The following SORT1 variants were observed in gnomAD, a reference collection of about 807,000 sequenced individuals.
SORT1 encodes the protein sortilin.
In SORT1, 39 loss-of-function variants were observed where a neutral mutation model predicts 101.7. The observed-to-expected ratio is 0.38, with a 90% CI of 0.30 to 0.50. The LOEUF is 0.50. Ranked by LOEUF, SORT1 falls within the 20% of genes least tolerant of loss-of-function variation. SORT1 has a pLI of 0.90. For missense variants in SORT1, 878 were observed against 1,040.4 expected (o/e 0.84, Z 2.15); for synonymous variants, 396 against 393.7 (o/e 1.01, Z -0.07).
intron 8 of SORT1, among the ~76,000 whole-genome samples, chr1:109,342,743 A>G (rs763043219): frequency 7.9e-5 from 12 of 152,154 alleles, no homozygotes; most frequent in Admixed American, 5.9e-4. Flanking sequence ...GGCCAAGGAG[A>G]GTCGGAAATT....
intron 2 of SORT1, 137 bp downstream of exon 2, chr1:109,369,393 G>A (rs1267257400): frequency 9.3e-6 from 6 of 641,908 alleles, no homozygotes; most frequent in Non-Finnish European, 1.7e-5. Flanking sequence ...CTGAAAGTCT[G>A]TCTTGCAAAC....
chr1:109,375,863 C>G (rs190165502), intron 1 of SORT1, among the ~76,000 whole-genome samples: 1 of 152,110 alleles, frequency 6.6e-6, no homozygotes, highest in Admixed American at 6.5e-5. Context: ...GCAAGTGAAA[C>G]TATTTTTCAA....
chr1:109,315,162 G>A lies in SORT1; in HGVS notation c.2251-384C>T, dbSNP rs75936279. Reference sequence around the variant, plus strand: ...CAGTAGGCTGAATGACTCTAGAACAGGGCCATTATCTGGGAAGAAGCTGTG... The same window carrying A: ...CAGTAGGCTGAATGACTCTAGAACAAGGCCATTATCTGGGAAGAAGCTGTG... On this transcript the variant is annotated intron_variant, in intron 17 of 19. Coordinates refer to ENST00000256637, the MANE Select transcript of SORT1 (RefSeq NM_002959.7). 1.4e-3 allele frequency among the ~76,000 whole-genome samples: 215 copies of A among 152,286 alleles called. 2 individuals are homozygous for A. In the East Asian group the frequency reaches 0.024, roughly 17 times the overall value.
intron 11 of SORT1, among the ~76,000 whole-genome samples, chr1:109,335,903 T>C (rs1305843545): frequency 3.9e-5 from 6 of 152,352 alleles, no homozygotes; most frequent in Non-Finnish European, 8.8e-5. Flanking sequence ...GAGCTGCGGC[T>C]TCTTGCAGAA....
chr1:109,397,497 TC>T lies in SORT1; in HGVS notation c.306+89del, dbSNP rs887683457. 9.0e-6 allele frequency: 8 copies of T among 886,596 alleles called. No individual in the cohort carries two copies. In the African/African-American group the frequency reaches 1.5e-4, roughly 16 times the overall value. 54.9% of individuals were successfully genotyped at this position (886,596 alleles called of 1,614,324 possible). On this transcript the variant is annotated intron_variant, in intron 1 of 19. Transcript: ENST00000256637. Reference sequence around the variant, plus strand: ...ACGCGGGCGCGGCAGGGCTGGGGTCTCCTCCGGGAGTCGCGGGGCGCACGGG... The same window carrying T: ...ACGCGGGCGCGGCAGGGCTGGGGTCTCTCCGGGAGTCGCGGGGCGCACGGG...
intron 15 of SORT1, 129 bp from the exon 16 acceptor site, chr1:109,318,098 G>A: frequency 1.7e-6 from 1 of 600,464 alleles, no homozygotes; most frequent in African/African-American, 1.9e-5. Flanking sequence ...AGTAGCTCAG[G>A]AAGTCCTGTG....
chr1:109,327,520 C>G lies in SORT1; in HGVS notation c.1453G>C (p.Val485Leu), dbSNP rs776815822. The G allele has an allele frequency of 3.7e-6, 6 of 1,604,736 alleles. No homozygotes were observed. In the South Asian group the frequency reaches 4.4e-5, roughly 12 times the overall value. Reference sequence around the variant, plus strand: ...TTACCATGAGCAATGACAATGCCTACGGCATTCGGCTCTGAGAGTGGGGCC... The same window carrying G: ...TTACCATGAGCAATGACAATGCCTAGGGCATTCGGCTCTGAGAGTGGGGCC... ...PMAPLSEPNA[V>L]GIVIAHGSVG... The change falls in exon 12 of 20, where the codon GTA becomes CTA. Residue 485 changes from valine to leucine, a missense_variant. Physicochemically the swap from Val to Leu is conservative, Grantham distance 32. Coordinates refer to ENST00000256637, the MANE Select transcript of SORT1 (RefSeq NM_002959.7).
At chr1:109,368,500 A>G (rs1260533327) in intron 2 of SORT1, 1 of 152,206 alleles carries the variant, frequency 6.6e-6, no homozygotes, top group Non-Finnish European at 1.5e-5. Flanking sequence ...GGCTTCTAAT[A>G]TAACTATCAT....
At chr1:109,327,704 C>T in intron 11 of SORT1, 103 bp from the exon 12 acceptor site, 1 of 661,864 alleles carries the variant, frequency 1.5e-6, no homozygotes, top group Non-Finnish European at 2.5e-6. Context: ...TTAACCCAGA[C>T]CTAGGTAAAA....
chr1:109,356,351 G>T (rs891033370), intron 3 of SORT1, among the ~76,000 whole-genome samples: 1 of 152,144 alleles, frequency 6.6e-6, no homozygotes, highest in African/African-American at 2.4e-5. Context: ...TGCAGTATGT[G>T]AACACACAGT....
At chr1:109,324,386 T>C (rs979746770) in intron 14 of SORT1, among the ~76,000 whole-genome samples, 21 of 152,172 alleles carry the variant, frequency 1.4e-4, no homozygotes, top group Non-Finnish European at 2.6e-4. Flanking sequence ...TCTGCCTATC[T>C]TGGCCTCTCA....
chr1:109,360,534 C>T lies in SORT1; in HGVS notation c.441-5065G>A, dbSNP rs371242460. On this transcript the variant is annotated intron_variant, in intron 3 of 19. Coordinates refer to ENST00000256637, the MANE Select transcript of SORT1 (RefSeq NM_002959.7). ...TTTTTTTTGGTAGAGATGGGTCTCA[C>T]TATGTTGCCCAGGCTGGTCTCAAAA... Among the ~76,000 whole-genome samples, 46 of 146,884 alleles carry T rather than the reference C, an allele frequency of 3.1e-4. No homozygotes were observed. The South Asian group carries it at 0.01, about 32-fold the overall frequency.
Position 109,347,518 on chromosome 1 carries a change from G to C in SORT1, c.797C>G (p.Thr266Ser). ...VCLAKWGSDN[T>S]IFFTTYANGS... ...ATTTGCATAGGTTGTAAAGAAGATG[G>C]TGTTGTCTGATCCCCTACAATGAGG... The change falls in exon 7 of 20, where the codon ACC becomes AGC. Residue 266 changes from threonine to serine, a missense_variant. By Grantham distance (58) the Thr-to-Ser change is moderately conservative (BLOSUM62 1). Transcript: ENST00000256637. 6.2e-7 allele frequency: 1 copy of C among 1,610,842 alleles called. No individual in the cohort carries two copies. Among genetic ancestry groups the C allele is most frequent in the Non-Finnish European group, 8.5e-7 (1 of 1,177,044 alleles).
At chr1:109,394,535 G>A (rs1018673219) in intron 1 of SORT1, among the ~76,000 whole-genome samples, 2 of 152,156 alleles carry the variant, frequency 1.3e-5, no homozygotes, top group South Asian at 2.1e-4. Context: ...TCCTTAAACC[G>A]TAATATAAAC....
intron 6 of SORT1, among the ~76,000 whole-genome samples, chr1:109,349,293 C>T (rs1649813214): frequency 1.3e-5 from 2 of 150,736 alleles, no homozygotes; most frequent in South Asian, 2.1e-4. Context: ...TGCAGTGAGC[C>T]GAGATTGCAC....
intron 13 of SORT1, among the ~76,000 whole-genome samples, chr1:109,326,462 TATAC>T (rs796555187): frequency 0.031 from 1,966 of 62,864 alleles, 35 homozygotes; most frequent in Non-Finnish European, 0.041. Flanking sequence ...TATATATATA[TATAC>T]ATACACACAC....
Position 109,316,876 on chromosome 1 carries a change from T to C in SORT1, c.2224A>G (p.Ser742Gly), listed in dbSNP as rs1647256742. 1 of 1,611,154 alleles carries C rather than the reference T, an allele frequency of 6.2e-7. No individual in the cohort carries two copies. The highest frequency in any genetic ancestry group is 8.5e-7 in the Non-Finnish European group (1 of 1,178,688). Reference protein sequence around the residue: ...EVKDLKKKCTSNFLSPEKQNS... With the variant: ...EVKDLKKKCTGNFLSPEKQNS... ...TGTTTTTCCGGACTCAAAAAGTTGCTTGTGCATTTCTTTTTCAAGTCTTTT... is the reference window on the plus strand; with the variant it reads ...TGTTTTTCCGGACTCAAAAAGTTGCCTGTGCATTTCTTTTTCAAGTCTTTT... The change falls in exon 17 of 20, where the codon AGC (serine) becomes GGC (glycine). Residue 742 changes from serine (S) to glycine (G), a missense_variant. By Grantham distance (56) the Ser-to-Gly change is moderately conservative. Coordinates refer to ENST00000256637, the MANE Select transcript of SORT1 (RefSeq NM_002959.7).
In SORT1 at chr1:109,313,932, C is replaced by CTTTT. The variant is rs1658871123; in HGVS notation, c.*110_*111insAAAA. On this transcript the variant is annotated 3_prime_UTR_variant, in exon 20 of 20. Coordinates refer to ENST00000256637, the MANE Select transcript of SORT1 (RefSeq NM_002959.7). ...TTGGCTTTGATGGAAGCAGCAGAAA[C>CTTTT]AGAGCTGGGTCCCTCGCAATGGGAA... 5 of 772,636 alleles carry CTTTT rather than the reference C, an allele frequency of 6.5e-6. No homozygotes were observed. The South Asian group carries it at 7.9e-5, about 12-fold the overall frequency. 47.9% of individuals were successfully genotyped at this position (772,636 alleles called of 1,614,324 possible).
intron 4 of SORT1, 75 bp from the exon 5 acceptor site, chr1:109,354,606 C>G (rs909810325): frequency 9.1e-7 from 1 of 1,104,648 alleles, no homozygotes; most frequent in Non-Finnish European, 1.3e-6. Flanking sequence ...ACACCATTTT[C>G]ACCAGACATT....
Sources: gnomAD v4.1 joint callset for allele counts (sites outside exome capture counted in the v4.1 genomes callset) on GRCh38, gnomAD v4.1.1 for gene constraint, MANE v1.5 for transcripts, NCBI Gene and HGNC (gene_info 2026-07-23, HGNC 2026-07-21) for gene names.